The following STAR variants were observed in gnomAD, a reference collection of about 807,000 sequenced individuals.
The protein encoded by STAR is steroidogenic acute regulatory protein, also known as steroidogenic acute regulatory protein, mitochondrial.
STAR carries 32 observed loss-of-function variants against 32.3 expected under a neutral mutation model. The ratio of observed to expected loss-of-function variants is 0.99; its 90% CI spans 0.75 to 1.33. The LOEUF is 1.33. Among genes scored for constraint, STAR ranks in the 40% most tolerant of loss-of-function variants. STAR has a pLI of 0.00. For synonymous variants in STAR, 134 were observed against 140.5 expected (o/e 0.95, Z 0.33); for missense variants, 375 against 379.0 (o/e 0.99, Z 0.09).
chr8:38,145,510 G>T, intron 5 of STAR, 195 bp from the exon 6 acceptor site: 1 of 730,688 alleles, frequency 1.4e-6, no homozygotes, highest in Non-Finnish European at 2.3e-6. Context: ...AAGGCTGCTT[G>T]TAGCTGGAGC....
At chr8:38,148,785 C>G (rs764049371) in intron 1 of STAR, 31 bp from the exon 2 acceptor site, 1 of 1,579,908 alleles carries the variant, frequency 6.3e-7, no homozygotes, top group Admixed American at 1.7e-5. Flanking sequence ...TGTCTAGGAG[C>G]TGGAAAGCCC....
chr8:38,145,991 TC>T lies in STAR; in HGVS notation c.621del (p.Asn208ThrfsTer113). 1 of 1,614,144 alleles carries T rather than the reference TC, an allele frequency of 6.2e-7. No homozygotes were observed. Among genetic ancestry groups the T allele is most frequent in the Non-Finnish European group, 8.5e-7 (1 of 1,180,024 alleles). On this transcript the variant is annotated frameshift_variant, in exon 5 of 7. Transcript: ENST00000276449. LOFTEE classifies it high-confidence loss of function. ...ATGACACCCTTCTGCTCAGGCATGT[TC>T]CCGAAGTCTGTGGCCATGCCAGCCA... Reference protein sequence around the residue: ...CVLAGMATDFGNMPEQKGVIR... With the variant: ...CVLAGMATDFXNMPEQKGVIR...
chr8:38,147,144 C>T (rs990370071), intron 3 of STAR, among the ~76,000 whole-genome samples: 4 of 152,070 alleles, frequency 2.6e-5, no homozygotes, highest in African/African-American at 7.2e-5. Context: ...AGCAGCATTA[C>T]ACCTAGCTAA....
At position 38,144,368 on chromosome 8, in the gene STAR, T is replaced by C; in HGVS notation, c.763A>G (p.Ile255Val). The change falls in exon 7 of 7, where the codon ATC (isoleucine) becomes GTC (valine). Residue 255 changes from isoleucine (I) to valine (V), a missense_variant. Coordinates refer to ENST00000276449, the MANE Select transcript of STAR (RefSeq NM_000349.3). Reference sequence around the variant, plus strand: ...GTCTGGGACAGGACCTGGTTGATGATGCTCTTGGGCAGCCACCCCTGCAGT... The same window carrying C: ...GTCTGGGACAGGACCTGGTTGATGACGCTCTTGGGCAGCCACCCCTGCAGT... The part of the protein sequence containing the change: ...IDLKGWLPKS[I>V]INQVLSQTQV... 3 of 1,603,068 alleles carry C rather than the reference T, an allele frequency of 1.9e-6. No individual in the cohort carries two copies. The highest frequency in any genetic ancestry group is 2.6e-6 in the Non-Finnish European group (3 of 1,174,884).
chr8:38,145,422 T>C, intron 5 of STAR, 107 bp from the exon 6 acceptor site: 2 of 1,488,060 alleles, frequency 1.3e-6, no homozygotes, highest in Non-Finnish European at 1.8e-6. Flanking sequence ...CCTTGTCTTT[T>C]CTGAGTCTCA....
intron 3 of STAR, among the ~76,000 whole-genome samples, chr8:38,147,177 G>A (rs1040964279): frequency 6.6e-6 from 1 of 151,866 alleles, no homozygotes; most frequent in East Asian, 1.9e-4. Flanking sequence ...TTGTAGAGAT[G>A]TGATCTCCCT....
In STAR at chr8:38,144,259, C is replaced by A; in HGVS notation, c.*14G>T. The stretch of plus-strand genomic sequence containing the variant: ...CAGTGCAGCTGGGCACAGTTGGGAA[C>A]AGCAGGCTGGTCTTCAACACCTGGC... On this transcript the variant is annotated 3_prime_UTR_variant, in exon 7 of 7. Coordinates refer to ENST00000276449, the MANE Select transcript of STAR (RefSeq NM_000349.3). The A allele has an allele frequency of 6.2e-7, 1 of 1,601,858 alleles. No individual in the cohort carries two copies. The highest frequency in any genetic ancestry group is 8.5e-7 in the Non-Finnish European group (1 of 1,174,554).
intron 5 of STAR, 31 bp from the exon 6 acceptor site, chr8:38,145,346 C>G: frequency 6.2e-7 from 1 of 1,613,804 alleles, no homozygotes; most frequent in South Asian, 1.1e-5. Context: ...GTCAGGAGGA[C>G]AGTTGCGAGT....
chr8:38,150,856 CGCTGCT>C lies in STAR; in HGVS notation c.-44_-39del. 1 of 1,600,692 alleles carries C rather than the reference CGCTGCT, an allele frequency of 6.2e-7. No homozygotes were observed. ...AATGTGGCAGTGGTGGGGTCGCTGC[CGCTGCT>C]GCTGCCGCCGCTGCTGCTGCCTCTT... On this transcript the variant is annotated 5_prime_UTR_variant, in exon 1 of 7. Transcript: ENST00000276449.
chr8:38,148,494 G>T, intron 2 of STAR, 147 bp downstream of exon 2: 1 of 1,359,642 alleles, frequency 7.4e-7, no homozygotes, highest in Non-Finnish European at 1.0e-6. Context: ...TGACCAGAGA[G>T]GGATCTGGCC....
In STAR at chr8:38,145,027, A is replaced by G. The variant is rs565018978; in HGVS notation, c.744+195T>C. 382 of 1,400,076 alleles carry G rather than the reference A, an allele frequency of 2.7e-4. 1 individual carries two copies. The highest frequency in any genetic ancestry group is 2.1e-3 in the African/African-American group (142 of 68,160). 86.7% of individuals were successfully genotyped at this position (1,400,076 alleles called of 1,614,324 possible). On this transcript the variant is annotated intron_variant, in intron 6 of 6. Transcript: ENST00000276449. ...GAGTCTCGAAAAAAAAAAAAAAAAA[A>G]AAGAAGAGGGGGCCATCACAGGCTT...
Position 38,146,382 on chromosome 8 carries a change from G to T in STAR, c.372C>A (p.Val124=). 1 of 1,614,052 alleles carries T rather than the reference G, an allele frequency of 6.2e-7. No homozygotes were observed. The highest frequency in any genetic ancestry group is 8.5e-7 in the Non-Finnish European group (1 of 1,180,038). The part of the protein sequence containing the change: ...PDVGKVFRLE[V]VVDQPMERLY... ...GCCTCTCCATGGGCTGGTCCACCAC[G>T]ACCTCCAGCCGGAACACCTTGCCCA... The change falls in exon 4 of 7, where the codon GTC becomes GTA. Residue 124 remains valine (V), a synonymous_variant. Coordinates refer to ENST00000276449, the MANE Select transcript of STAR (RefSeq NM_000349.3).
intron 1 of STAR, among the ~76,000 whole-genome samples, chr8:38,150,219 A>AAAAAAT (rs901992829): frequency 1.3e-5 from 2 of 151,954 alleles, no homozygotes; most frequent in Non-Finnish European, 2.9e-5. Flanking sequence ...TTGTCTCTAA[A>AAAAAAT]AAAAATAAAA....
chr8:38,144,196 A>G lies in STAR; in HGVS notation c.*77T>C. On this transcript the variant is annotated 3_prime_UTR_variant, in exon 7 of 7. Transcript: ENST00000276449. ...CACCAGATGGAGATCTTAGACTTGCAGGCTTCCAGTAGGGATTCTCCTGAT... is the reference window on the plus strand; with the variant it reads ...CACCAGATGGAGATCTTAGACTTGCGGGCTTCCAGTAGGGATTCTCCTGAT... 1 of 1,423,884 alleles carries G rather than the reference A, an allele frequency of 7.0e-7. No individual in the cohort carries two copies. Among genetic ancestry groups the G allele is most frequent in the Non-Finnish European group, 9.6e-7 (1 of 1,037,700 alleles). The allele number at this position is 1,423,884 out of a possible 1,614,324, so 88.2% of individuals were successfully genotyped here.
intron 6 of STAR, 153 bp from the exon 7 acceptor site, chr8:38,144,539 G>T (rs923624219): frequency 1.3e-6 from 2 of 1,492,830 alleles, no homozygotes; most frequent in South Asian, 2.5e-5. Flanking sequence ...CGGGAGGACT[G>T]CATTGCTCCT....
Position 38,144,317 on chromosome 8 carries a change from G to T in STAR, c.814C>A (p.Arg272Ser), listed in dbSNP as rs751759820. Residue 272 changes from arginine (R) to serine (S), a missense_variant, in exon 7 of 7, where the codon CGC becomes AGC. By Grantham distance (110) the Arg-to-Ser change is moderately radical. Coordinates refer to ENST00000276449, the MANE Select transcript of STAR (RefSeq NM_000349.3). ...QTQVDFANHL[R>S]KRLESHPASE... is the part of the protein sequence containing the mutation. ...GCAGGGTGGGACTCCAGGCGCTTGC[G>T]CAGGTGGTTGGCAAAATCCACCTGG... 2 of 1,609,900 alleles carry T rather than the reference G, an allele frequency of 1.2e-6. No homozygotes were observed. Among genetic ancestry groups the T allele is most frequent in the Non-Finnish European group, 1.7e-6 (2 of 1,178,314 alleles).
Position 38,145,329 on chromosome 8 carries a change from A to C in STAR, c.651-14T>G. 1 of 1,614,028 alleles carries C rather than the reference A, an allele frequency of 6.2e-7. No homozygotes were observed. Among genetic ancestry groups the C allele is most frequent in the Non-Finnish European group, 8.5e-7 (1 of 1,180,022 alleles). ...CCGTGCTCCGCCCTGGCAAATGGAG[A>C]AGTCAAGTCAGGAGGACAGTTGCGA... On this transcript the variant is annotated splice_polypyrimidine_tract_variant and intron_variant, in intron 5 of 6. Transcript: ENST00000276449.
In STAR at chr8:38,142,902, TAGCCTGTTTA is replaced by T. The variant is rs766880696; in HGVS notation, c.*1361_*1370del. On this transcript the variant is annotated 3_prime_UTR_variant, in exon 7 of 7. Coordinates refer to ENST00000276449, the MANE Select transcript of STAR (RefSeq NM_000349.3). ...CACTTCTCCCAGAATACTAAACTTT[TAGCCTGTTTA>T]AGCAGAGAAGTTGCCAGCCCCAAAC... 1.5e-4 allele frequency among the ~76,000 whole-genome samples: 23 copies of T among 152,184 alleles called. No homozygotes were observed. The highest frequency in any genetic ancestry group is 2.1e-4 in the Non-Finnish European group (14 of 68,036).
Position 38,146,442 on chromosome 8 carries a change from A to G in STAR, c.312T>C (p.Asn104=), listed in dbSNP as rs200934871. 115 of 1,613,836 alleles carry G rather than the reference A, an allele frequency of 7.1e-5. No individual in the cohort carries two copies. The highest frequency in any genetic ancestry group is 9.3e-5 in the Non-Finnish European group (110 of 1,180,046). The stretch of plus-strand genomic sequence containing the variant: ...CCACTTTACTCATCACTTTGTCCCC[A>G]TTGTCCTGTCAGAGAAAGGAGCCCC... The part of the protein sequence containing the change: ...EGWKKESQQD[N]GDKVMSKVVP... Residue 104 remains asparagine, a synonymous_variant, in exon 4 of 7, where the codon AAT becomes AAC. Coordinates refer to ENST00000276449, the MANE Select transcript of STAR (RefSeq NM_000349.3).
Sources: gnomAD v4.1 joint callset for allele counts (sites outside exome capture counted in the v4.1 genomes callset) on GRCh38, gnomAD v4.1.1 for gene constraint, MANE v1.5 for transcripts, NCBI Gene and HGNC (gene_info 2026-07-23, HGNC 2026-07-21) for gene names.